MTHFD1L: variants seen among roughly 807,000 people sequenced by gnomAD.
MTHFD1L encodes the protein methylenetetrahydrofolate dehydrogenase (NADP+ dependent) 1 like.
Under a neutral mutation model 119.5 loss-of-function variants are expected in MTHFD1L, and 81 were observed. The observed-to-expected ratio is 0.68, with a 90% CI of 0.57 to 0.82. The LOEUF is 0.82. Among genes scored for constraint, MTHFD1L ranks in the 40% least tolerant of loss-of-function variants. MTHFD1L has a pLI of 0.00. For missense variants in MTHFD1L, 1,125 were observed against 1,253.4 expected, an observed-to-expected ratio of 0.90 and a Z score of 1.55; for synonymous variants, 430 against 475.2, an observed-to-expected ratio of 0.90 and a Z score of 1.24.
intron 1 of MTHFD1L, among the ~76,000 whole-genome samples, chr6:150,874,701 G>A (rs930489165): frequency 6.6e-6 from 1 of 152,150 alleles, no homozygotes; most frequent in African/African-American, 2.4e-5. Flanking sequence ...TCATAGGGTG[G>A]TGGCGAAGGT....
intron 16 of MTHFD1L, among the ~76,000 whole-genome samples, chr6:150,949,912 C>T (rs1185007267): frequency 6.6e-6 from 1 of 152,148 alleles, no homozygotes; most frequent in Non-Finnish European, 1.5e-5. Context: ...AGAAACACGG[C>T]AACCACATTT....
chr6:151,096,387 T>C (rs1794899725), intron 27 of MTHFD1L, among the ~76,000 whole-genome samples: 1 of 152,162 alleles, frequency 6.6e-6, no homozygotes, highest in South Asian at 2.1e-4. Context: ...ACCCATCGTT[T>C]GACCCTGCTT....
intron 26 of MTHFD1L, among the ~76,000 whole-genome samples, chr6:151,050,793 A>C (rs902890801): frequency 7.2e-5 from 11 of 152,318 alleles, no homozygotes; most frequent in African/African-American, 2.2e-4. Flanking sequence ...GTGCGACAGC[A>C]GAGGAAAACA....
intron 20 of MTHFD1L, among the ~76,000 whole-genome samples, chr6:150,985,564 G>C (rs111469901): frequency 0.019 from 2,903 of 149,932 alleles, 34 homozygotes; most frequent in South Asian, 0.035. Context: ...GGGGGGCTGA[G>C]GAAAGAGAAT....
intron 26 of MTHFD1L, among the ~76,000 whole-genome samples, chr6:151,068,581 A>G (rs1791581895): frequency 6.6e-6 from 1 of 152,116 alleles, no homozygotes; most frequent in South Asian, 2.1e-4. Flanking sequence ...CAGGCTCTTA[A>G]TGTTTCCATC....
intron 20 of MTHFD1L, among the ~76,000 whole-genome samples, chr6:150,993,425 A>G (rs548494): frequency 0.52 from 79,152 of 151,620 alleles, 21,556 homozygotes; most frequent in African/African-American, 0.66. Context: ...GGCTCAAGCG[A>G]TTCTTGTGCC....
chr6:150,964,879 C>A, intron 18 of MTHFD1L, 90 bp from the exon 19 acceptor site: 2 of 1,324,234 alleles, frequency 1.5e-6, no homozygotes, highest in Non-Finnish European at 2.2e-6. Context: ...GACGCCCACC[C>A]AAGAAGCAGG....
At chr6:150,871,647 G>A (rs890035387) in intron 1 of MTHFD1L, among the ~76,000 whole-genome samples, 2 of 150,628 alleles carry the variant, frequency 1.3e-5, no homozygotes, top group South Asian at 2.1e-4. Flanking sequence ...GACTACAGGC[G>A]CCTGCCACCA....
At chr6:151,092,713 A>G (rs1391177360) in intron 27 of MTHFD1L, 126 bp downstream of exon 27, 8 of 619,020 alleles carry the variant, frequency 1.3e-5, no homozygotes, top group South Asian at 8.4e-5. Flanking sequence ...TTGTTACTCA[A>G]ATTCCTACCA....
chr6:150,890,413 A>G (rs989110478), intron 7 of MTHFD1L, among the ~76,000 whole-genome samples: 2 of 152,094 alleles, frequency 1.3e-5, no homozygotes, highest in Non-Finnish European at 2.9e-5. Flanking sequence ...CAAGGGAGAC[A>G]GGGGCAGGAT....
chr6:150,915,716 T>C (rs1249491239), intron 8 of MTHFD1L, among the ~76,000 whole-genome samples: 1 of 152,236 alleles, frequency 6.6e-6, no homozygotes. Context: ...TTCGCTGGCC[T>C]CAGCCTCTGA....
At chr6:151,047,032 G>A (rs1406991536) in intron 26 of MTHFD1L, among the ~76,000 whole-genome samples, 1 of 152,152 alleles carries the variant, frequency 6.6e-6, no homozygotes, top group Non-Finnish European at 1.5e-5. Context: ...GCTTAACTAT[G>A]TATGTGTTCC....
intron 7 of MTHFD1L, among the ~76,000 whole-genome samples, chr6:150,888,945 C>T (rs367591993): frequency 6.4e-4 from 98 of 152,248 alleles, no homozygotes; most frequent in Middle Eastern, 3.4e-3. Flanking sequence ...GAGGCTGAGG[C>T]GGGCAAATCA....
intron 7 of MTHFD1L, among the ~76,000 whole-genome samples, chr6:150,892,416 C>G (rs148487635): frequency 1.3e-5 from 2 of 152,312 alleles, no homozygotes; most frequent in Non-Finnish European, 2.9e-5. Flanking sequence ...TCTGGAGAAT[C>G]TGGTCATTGG....
chr6:151,037,065 G>A lies in MTHFD1L; in HGVS notation c.2795G>A (p.Ser932Asn), dbSNP rs368758631. 16 of 1,611,844 alleles carry A rather than the reference G, an allele frequency of 9.9e-6. No homozygotes were observed. Among genetic ancestry groups the A allele is most frequent in the Non-Finnish European group, 1.4e-5 (16 of 1,179,848 alleles). ...CCAAGGGACTTCATCTTACCTATCA[G>A]TGACGTCCGGGCCAGCATAGGCGCT... ...GVPRDFILPI[S>N]DVRASIGAGF... Residue 932 changes from serine to asparagine, a missense_variant, in exon 26 of 28, where the codon AGT (serine) becomes AAT (asparagine). Ser to Asn is a conservative substitution (Grantham distance 46). Transcript: ENST00000367321.
At chr6:150,955,966 G>A (rs554518138) in intron 16 of MTHFD1L, 29 bp from the exon 17 acceptor site, 26 of 1,584,874 alleles carry the variant, frequency 1.6e-5, no homozygotes, top group East Asian at 4.5e-5. Context: ...CATATTTGTC[G>A]ACTGAATGAC....
chr6:150,950,099 A>G (rs1794628451), intron 16 of MTHFD1L, among the ~76,000 whole-genome samples: 1 of 152,156 alleles, frequency 6.6e-6, no homozygotes, highest in African/African-American at 2.4e-5. Flanking sequence ...TTCCGTTTCC[A>G]TCCCCCAGTT....
rs1050873399 is a variant in MTHFD1L, at chr6:150,925,024, G to A, written c.1083-1098G>A. On this transcript the variant is annotated intron_variant, in intron 10 of 27. Transcript: ENST00000367321. ...GTGTTTGCTGTTGCCTCTTACCCCC[G>A]GGTCAGGCCCCTACAGGATCCTGGA... is the stretch of plus-strand genomic sequence containing the variant. Among the ~76,000 whole-genome samples, 6 of 152,190 alleles carry A rather than the reference G, an allele frequency of 3.9e-5. No individual in the cohort carries two copies. The South Asian group carries it at 1.0e-3, about 26-fold the overall frequency.
rs113141818 is a variant in MTHFD1L, at chr6:151,030,675, C to G, written c.2587-3818C>G. On this transcript the variant is annotated intron_variant, in intron 24 of 27. Coordinates refer to ENST00000367321, the MANE Select transcript of MTHFD1L (RefSeq NM_015440.5). ...TGCAGCACATCAACACCTGAATTTT[C>G]TTATCATCTTGTGTGGCTATTGAAC... Among the ~76,000 whole-genome samples the G allele has an allele frequency of 2.3e-4, 35 of 152,300 alleles. 2 individuals are homozygous for G. Among genetic ancestry groups the G allele is most frequent in the African/African-American group, 7.9e-4 (33 of 41,570 alleles).
Sources: allele counts gnomAD v4.1 joint callset (sites outside exome capture counted in the v4.1 genomes callset), GRCh38; gene constraint gnomAD v4.1.1; transcripts MANE v1.5; gene names NCBI Gene and HGNC (gene_info 2026-07-23, HGNC 2026-07-21).